AGAP1: variants seen among roughly 807,000 people sequenced by gnomAD.
AGAP1 encodes arf-GAP with GTPase, ANK repeat and PH domain-containing protein 1.
A neutral mutation model predicts 105.3 loss-of-function variants in AGAP1; 29 were observed. The ratio of observed to expected loss-of-function variants is 0.28; its 90% CI spans 0.21 to 0.38. AGAP1 has a LOEUF of 0.38. AGAP1 is among the 10% of genes least tolerant of loss of function. AGAP1 has a pLI of 1.00. For synonymous variants in AGAP1, 509 were observed against 485.9 expected (o/e 1.05, Z -0.63); for missense variants, 998 against 1,165.1 (o/e 0.86, Z 2.09).
chr2:235,502,357 A>G (rs1941597027), intron 1 of AGAP1, among the ~76,000 whole-genome samples: 1 of 152,184 alleles, frequency 6.6e-6, no homozygotes, highest in Admixed American at 6.5e-5. Flanking sequence ...CATTTTCCGT[A>G]AAGAGCAGAC....
In AGAP1 at chr2:236,001,148, C is replaced by T. The variant is rs1344811599; in HGVS notation, c.1645+32525C>T. On this transcript the variant is annotated intron_variant, in intron 13 of 17. Transcript: ENST00000304032. The surrounding 1 kb of genome is among the most constrained non-coding windows in gnomAD (Gnocchi z 4.7). The stretch of plus-strand genomic sequence containing the variant: ...AGGAAACACCACATGGAGACTCTGG[C>T]GGTGGCTGGGGCAGCGCGGCTGTGG... 1.3e-5 allele frequency among the ~76,000 whole-genome samples: 2 copies of T among 152,066 alleles called. No homozygotes were observed. The highest frequency in any genetic ancestry group is 4.8e-5 in the African/African-American group (2 of 41,408).
Position 235,524,475 on chromosome 2 carries a change from C to T in AGAP1, c.163+29626C>T, listed in dbSNP as rs115614979. 1.7e-3 allele frequency: 532 copies of T among 306,502 alleles called. 3 individuals carry two copies. Among genetic ancestry groups the T allele is most frequent in the African/African-American group, 0.011 (484 of 44,112 alleles). 19.0% of individuals were successfully genotyped at this position (306,502 alleles called of 1,614,324 possible). On this transcript the variant is annotated intron_variant, in intron 1 of 17. Transcript: ENST00000304032. ...GAGAATCTGGAGAGAGCAGTGGATG[C>T]GATGGGCAGTTGCTTGTCCTTGCTG...
intron 1 of AGAP1, among the ~76,000 whole-genome samples, chr2:235,653,926 G>A (rs1047579518): frequency 6.6e-6 from 1 of 152,160 alleles, no homozygotes; most frequent in African/African-American, 2.4e-5. Context: ...AGTGGTGGCA[G>A]GCGCCTGTAA....
chr2:236,127,349 C>A lies in AGAP1; in HGVS notation c.*3227C>A. On this transcript the variant is annotated 3_prime_UTR_variant, in exon 18 of 18. Coordinates refer to ENST00000304032, the MANE Select transcript of AGAP1 (RefSeq NM_001037131.3). The surrounding 1 kb of genome is among the most constrained non-coding windows in gnomAD (Gnocchi z 6.6). ...AGGAAATGAGCAGCTCGAGGGTGAG[C>A]AAGTGACAAGTTCCTGAGTCACTGG... The A allele has an allele frequency of 6.6e-6, 1 of 152,362 alleles. No individual in the cohort carries two copies. The highest frequency in any genetic ancestry group is 1.5e-5 in the Non-Finnish European group (1 of 68,082). The allele number at this position is 152,362 out of a possible 1,614,324, so 9.4% of individuals were successfully genotyped here.
rs1460226795 is a variant in AGAP1, at chr2:235,963,593, AT to A, written c.1484-4868del. ...TTTCCTCATAGGCAAGTTGAAAGAT[AT>A]GTGAGCTGAACACAAAGACAGTGTA... is the stretch of plus-strand genomic sequence containing the variant. On this transcript the variant is annotated intron_variant, in intron 12 of 17. Coordinates refer to ENST00000304032, the MANE Select transcript of AGAP1 (RefSeq NM_001037131.3). This position sits in a 1 kb window ranked among gnomAD's most constrained non-coding sequence, Gnocchi z 5.1. 1.3e-5 allele frequency among the ~76,000 whole-genome samples: 2 copies of A among 152,350 alleles called. No individual in the cohort carries two copies. The highest frequency in any genetic ancestry group is 4.8e-5 in the African/African-American group (2 of 41,576).
At chr2:236,029,167 G>A (rs952630477) in intron 13 of AGAP1, among the ~76,000 whole-genome samples, 1 of 148,788 alleles carries the variant, frequency 6.7e-6, no homozygotes, top group African/African-American at 2.5e-5. Context: ...GTCATAGTCG[G>A]TATTGTTTTT....
At chr2:235,851,248 C>T (rs997962264) in intron 9 of AGAP1, among the ~76,000 whole-genome samples, 1 of 152,320 alleles carries the variant, frequency 6.6e-6, no homozygotes, top group African/African-American at 2.4e-5. Flanking sequence ...TATAGACCAT[C>T]GGTGCCCACC....
chr2:235,835,095 G>A (rs977275063), intron 9 of AGAP1, among the ~76,000 whole-genome samples: 2 of 152,226 alleles, frequency 1.3e-5, no homozygotes, highest in East Asian at 1.9e-4. Context: ...TGCTCTCCCC[G>A]ATTGCACAGT....
intron 12 of AGAP1, among the ~76,000 whole-genome samples, chr2:235,945,325 C>T (rs1381637621): frequency 2.0e-5 from 3 of 152,092 alleles, no homozygotes; most frequent in Non-Finnish European, 4.4e-5. Flanking sequence ...AGGATGGTCT[C>T]GATCTCCTGA....
chr2:236,066,599 A>T (rs1200645346), intron 16 of AGAP1, among the ~76,000 whole-genome samples: 1 of 152,158 alleles, frequency 6.6e-6, no homozygotes, highest in Non-Finnish European at 1.5e-5. Context: ...TGTTGAGATA[A>T]ATCATGAACT....
At position 235,732,097 on chromosome 2, in the gene AGAP1, G is replaced by C. The variant is rs2149613559; in HGVS notation, c.311-8866G>C. ...TTCCTGGTGTATCGCGTGCACTTTT[G>C]ATCTGCGGATTCAGATCTTTCTGCG... On this transcript the variant is annotated intron_variant, in intron 3 of 17. Transcript: ENST00000304032. This position sits in a 1 kb window ranked among gnomAD's most constrained non-coding sequence, Gnocchi z 4.8. 6.6e-6 allele frequency among the ~76,000 whole-genome samples: 1 copy of C among 152,256 alleles called. No homozygotes were observed. Among genetic ancestry groups the C allele is most frequent in the Admixed American group, 6.5e-5 (1 of 15,292 alleles).
At chr2:235,796,105 G>A (rs1203498535) in intron 6 of AGAP1, among the ~76,000 whole-genome samples, 8 of 152,206 alleles carry the variant, frequency 5.3e-5, no homozygotes, top group Non-Finnish European at 1.2e-4. Flanking sequence ...CAGCTGAATA[G>A]TAACTCTGAA....
chr2:235,974,829 A>T (rs931099696), intron 13 of AGAP1, among the ~76,000 whole-genome samples: 2 of 152,242 alleles, frequency 1.3e-5, no homozygotes, highest in Non-Finnish European at 2.9e-5. Flanking sequence ...AGCAACCACC[A>T]CAGGGAAAGC....
chr2:235,930,647 G>A lies in AGAP1; in HGVS notation c.1325-118G>A. On this transcript the variant is annotated intron_variant, in intron 11 of 17. Coordinates refer to ENST00000304032, the MANE Select transcript of AGAP1 (RefSeq NM_001037131.3). This position sits in a 1 kb window ranked among gnomAD's most constrained non-coding sequence, Gnocchi z 7.9. ...CCGTTTGCCATGCAGGCAGGACAGG[G>A]GCTGCTCTCGGTGGTAAGGTGCACT... is the stretch of plus-strand genomic sequence containing the variant. 3 of 1,035,046 alleles carry A rather than the reference G, an allele frequency of 2.9e-6. No homozygotes were observed. The highest frequency in any genetic ancestry group is 4.2e-6 in the Non-Finnish European group (3 of 720,384). 64.1% of individuals were successfully genotyped at this position (1,035,046 alleles called of 1,614,324 possible). A position where few individuals can be genotyped will look rare whatever the true frequency, so the allele number is the denominator to read the frequency against.
Position 235,888,102 on chromosome 2 carries a change from G to C in AGAP1, c.1155+4653G>C, listed in dbSNP as rs918695197. Among the ~76,000 whole-genome samples, 1 of 152,148 alleles carries C rather than the reference G, an allele frequency of 6.6e-6. No homozygotes were observed. Among genetic ancestry groups the C allele is most frequent in the African/African-American group, 2.4e-5 (1 of 41,428 alleles). On this transcript the variant is annotated intron_variant, in intron 10 of 17. Transcript: ENST00000304032. The surrounding 1 kb of genome is among the most constrained non-coding windows in gnomAD (Gnocchi z 4.8). ...CCATTTGCTTATCATGTTAAATTCAGGGAGCTGGGGAGAGGGTCTTGCACA... is the reference window on the plus strand; with the variant it reads ...CCATTTGCTTATCATGTTAAATTCACGGAGCTGGGGAGAGGGTCTTGCACA...
chr2:236,051,163 G>C lies in AGAP1; in HGVS notation c.2114+1882G>C, dbSNP rs2057883617. ...ACTGTGGTGTTGGTGATGTGGTTCT[G>C]TGCTGTTGCTGAAGGTAACTGTGGA... On this transcript the variant is annotated intron_variant, in intron 16 of 17. Coordinates refer to ENST00000304032, the MANE Select transcript of AGAP1 (RefSeq NM_001037131.3). This position sits in a 1 kb window ranked among gnomAD's most constrained non-coding sequence, Gnocchi z 5.9. Among the ~76,000 whole-genome samples, 1 of 152,218 alleles carries C rather than the reference G, an allele frequency of 6.6e-6. No homozygotes were observed. Among genetic ancestry groups the C allele is most frequent in the African/African-American group, 2.4e-5 (1 of 41,460 alleles).
chr2:235,733,535 T>G lies in AGAP1; in HGVS notation c.311-7428T>G, dbSNP rs1952070060. 6.6e-6 allele frequency among the ~76,000 whole-genome samples: 1 copy of G among 152,204 alleles called. No homozygotes were observed. Among genetic ancestry groups the G allele is most frequent in the Non-Finnish European group, 1.5e-5 (1 of 68,028 alleles). On this transcript the variant is annotated intron_variant, in intron 3 of 17. Coordinates refer to ENST00000304032, the MANE Select transcript of AGAP1 (RefSeq NM_001037131.3). The surrounding 1 kb of genome is among the most constrained non-coding windows in gnomAD (Gnocchi z 5.0). ...TCCTTCTGGCTTTAATGTTTCCCCC[T>G]TGTTTTATTAGGAAAGGAGGAAAGG... is the stretch of plus-strand genomic sequence containing the variant.
In AGAP1 at chr2:236,128,410, C is replaced by T. The variant is rs1559305019; in HGVS notation, c.*4288C>T. On this transcript the variant is annotated 3_prime_UTR_variant, in exon 18 of 18. Coordinates refer to ENST00000304032, the MANE Select transcript of AGAP1 (RefSeq NM_001037131.3). This position sits in a 1 kb window ranked among gnomAD's most constrained non-coding sequence, Gnocchi z 5.9. ...TTGCCGTTGCCATGAGCCGCTGTGA[C>T]TCACGCGTGCACTGGGCCTTGCTTG... 6.6e-6 allele frequency: 1 copy of T among 152,388 alleles called. No individual in the cohort carries two copies. The highest frequency in any genetic ancestry group is 1.5e-5 in the Non-Finnish European group (1 of 68,156). The allele number at this position is 152,388 out of a possible 1,614,324, so 9.4% of individuals were successfully genotyped here.
chr2:235,836,069 T>C (rs1960118418), intron 9 of AGAP1, among the ~76,000 whole-genome samples: 1 of 152,236 alleles, frequency 6.6e-6, no homozygotes, highest in Non-Finnish European at 1.5e-5. Context: ...AACTGCTAAT[T>C]ACAAATGAGC....
Sources: allele counts gnomAD v4.1 joint callset (sites outside exome capture counted in the v4.1 genomes callset), GRCh38; gene constraint gnomAD v4.1.1; non-coding constraint Gnocchi (gnomAD v3.1); transcripts MANE v1.5; gene names NCBI Gene and HGNC (gene_info 2026-07-23, HGNC 2026-07-21).